SLC14A2: variants seen among roughly 807,000 people sequenced by gnomAD.
SLC14A2 encodes solute carrier family 14 member 2.
A neutral mutation model predicts 104.6 loss-of-function variants in SLC14A2; 91 were observed. That is an observed-to-expected ratio of 0.87 (90% CI 0.73 to 1.04). The LOEUF (loss-of-function observed/expected upper bound fraction) is 1.04. Among genes scored for constraint, SLC14A2 ranks in the 50% least tolerant of loss-of-function variants. SLC14A2 has a pLI of 0.00. For missense variants in SLC14A2, 1,189 were observed against 1,156.0 expected (o/e 1.03, Z -0.41); for synonymous variants, 476 against 466.4 (o/e 1.02, Z -0.27).
At chr18:45,544,281 A>G (rs2043933564) in intron 2 of SLC14A2, among the ~76,000 whole-genome samples, 1 of 152,146 alleles carries the variant, frequency 6.6e-6, no homozygotes, top group Admixed American at 6.5e-5. Context: ...TTTTCTTCCT[A>G]TCCTGAATCC....
intron 1 of SLC14A2, among the ~76,000 whole-genome samples, chr18:45,298,157 C>T (rs1434075224): frequency 6.7e-6 from 1 of 149,170 alleles, no homozygotes; most frequent in Non-Finnish European, 1.5e-5. Context: ...AAAAAATATT[C>T]CTAACACCAT....
chr18:45,443,997 T>C (rs1378262586), intron 1 of SLC14A2, among the ~76,000 whole-genome samples: 1 of 151,748 alleles, frequency 6.6e-6, no homozygotes, highest in African/African-American at 2.4e-5. Flanking sequence ...ACATGGAGAG[T>C]GGGTCCCTGG....
intron 2 of SLC14A2, among the ~76,000 whole-genome samples, chr18:45,582,036 C>G (rs1289948839): frequency 1.3e-5 from 2 of 152,174 alleles, no homozygotes; most frequent in Non-Finnish European, 2.9e-5. Context: ...AACATGGTGC[C>G]AGCATCTGGA....
intron 1 of SLC14A2, among the ~76,000 whole-genome samples, chr18:45,301,525 T>C (rs2084968723): frequency 6.6e-6 from 1 of 152,182 alleles, no homozygotes; most frequent in Non-Finnish European, 1.5e-5. Context: ...CCTTTTGCCA[T>C]AGATGGTGTA....
intron 1 of SLC14A2, among the ~76,000 whole-genome samples, chr18:45,394,526 A>G (rs1236133741): frequency 6.6e-6 from 1 of 152,180 alleles, no homozygotes; most frequent in Admixed American, 6.5e-5. Flanking sequence ...GAAATTGTCT[A>G]TTTTTAAAAA....
At chr18:45,286,366 T>G (rs2084814527) in intron 1 of SLC14A2, among the ~76,000 whole-genome samples, 2 of 152,194 alleles carry the variant, frequency 1.3e-5, no homozygotes, top group African/African-American at 4.8e-5. Flanking sequence ...GTGCCACTTT[T>G]TACGTCCCAG....
At chr18:45,293,066 T>C (rs2084885698) in intron 1 of SLC14A2, among the ~76,000 whole-genome samples, 1 of 152,132 alleles carries the variant, frequency 6.6e-6, no homozygotes, top group African/African-American at 2.4e-5. Flanking sequence ...GGCTGTTTCA[T>C]GAAATCAGAA....
At chr18:45,251,942 C>G (rs2084427759) in intron 1 of SLC14A2, among the ~76,000 whole-genome samples, 1 of 151,592 alleles carries the variant, frequency 6.6e-6, no homozygotes, top group South Asian at 2.1e-4. Context: ...GGTGTAGAGT[C>G]TGGAGAATCT....
At chr18:45,338,079 T>A (rs1017864312) in intron 1 of SLC14A2, among the ~76,000 whole-genome samples, 2 of 152,222 alleles carry the variant, frequency 1.3e-5, no homozygotes, top group Non-Finnish European at 2.9e-5. Context: ...TGACTTCAAG[T>A]GTATAGACAA....
intron 10 of SLC14A2, among the ~76,000 whole-genome samples, chr18:45,663,571 T>A (rs2045964852): frequency 6.6e-6 from 1 of 152,148 alleles, no homozygotes; most frequent in African/African-American, 2.4e-5. Flanking sequence ...AGACTATAAC[T>A]TGGGTTACTG....
intron 1 of SLC14A2, among the ~76,000 whole-genome samples, chr18:45,365,039 A>G (rs1330825892): frequency 2.0e-5 from 3 of 152,132 alleles, no homozygotes; most frequent in African/African-American, 7.2e-5. Context: ...AAGTCGAGGA[A>G]TCCTCTCTGA....
At chr18:45,638,327 C>A (rs1053567317) in intron 6 of SLC14A2, among the ~76,000 whole-genome samples, 1 of 152,126 alleles carries the variant, frequency 6.6e-6, no homozygotes, top group Non-Finnish European at 1.5e-5. Flanking sequence ...ATTAAAAGAC[C>A]ATTCATTCAG....
At chr18:45,396,258 G>C (rs4395167) in intron 1 of SLC14A2, among the ~76,000 whole-genome samples, 64,554 of 151,996 alleles carry the variant, frequency 0.42, 15,194 homozygotes, top group Non-Finnish European at 0.53. Context: ...AGTCTTCCCA[G>C]ATCTGTGTGA....
At chr18:45,271,149 G>A (rs554326341) in intron 1 of SLC14A2, among the ~76,000 whole-genome samples, 1 of 152,252 alleles carries the variant, frequency 6.6e-6, no homozygotes, top group South Asian at 2.1e-4. Context: ...TGAAAATCAA[G>A]TGACATTTGC....
At chr18:45,283,619 T>C (rs1333840174) in intron 1 of SLC14A2, among the ~76,000 whole-genome samples, 1 of 152,248 alleles carries the variant, frequency 6.6e-6, no homozygotes, top group East Asian at 1.9e-4. Context: ...CAGGTATACA[T>C]AGCACTGTTT....
the SLC14A2 span, among the ~76,000 whole-genome samples, chr18:45,173,150 G>A: frequency 9.2e-5 from 14 of 152,238 alleles, no homozygotes; most frequent in Non-Finnish European, 1.8e-4. Flanking sequence ...CAACTACATG[G>A]CCCTTTGTCA....
Position 45,635,033 on chromosome 18 carries a change from A to AG in SLC14A2, c.651-1955dup. 4 of 339,340 alleles carry AG rather than the reference A, an allele frequency of 1.2e-5. No homozygotes were observed. The Admixed American group carries it at 1.7e-4, about 14-fold the overall frequency. The allele number at this position is 339,340 out of a possible 1,614,324, so 21.0% of individuals were successfully genotyped here. A position where few individuals can be genotyped will look rare whatever the true frequency, so the allele number is the denominator to read the frequency against. Reference sequence around the variant, plus strand: ...TGGGAGGTTGTGGAAAACCAAGGAGAGGAAAAAAAAAAAGAAAATTGAATA... The same window carrying AG: ...TGGGAGGTTGTGGAAAACCAAGGAGAGGGAAAAAAAAAAAGAAAATTGAATA... On this transcript the variant is annotated intron_variant, in intron 5 of 19. Transcript: ENST00000255226.
chr18:45,219,679 A>G (rs1248420195), intron 1 of SLC14A2, among the ~76,000 whole-genome samples: 1 of 152,272 alleles, frequency 6.6e-6, no homozygotes, highest in Admixed American at 6.5e-5. Context: ...TTCATAACTT[A>G]GTAAATTTCT....
intron 1 of SLC14A2, among the ~76,000 whole-genome samples, chr18:45,325,113 G>A (rs553498488): frequency 2.7e-4 from 41 of 152,296 alleles, no homozygotes; most frequent in African/African-American, 9.9e-4. Flanking sequence ...GCCTCCACTT[G>A]CTCTTAAAAC....
Sources: allele counts gnomAD v4.1 joint callset (sites outside exome capture counted in the v4.1 genomes callset), GRCh38; gene constraint gnomAD v4.1.1; transcripts MANE v1.5; gene names NCBI Gene and HGNC (gene_info 2026-07-23, HGNC 2026-07-21).